The following NDRG1 variants were observed in gnomAD, a reference collection of about 807,000 sequenced individuals.
NDRG1 encodes the protein N-myc downstream regulated 1, also known as protein NDRG1.
A neutral mutation model predicts 56.9 loss-of-function variants in NDRG1; 32 were observed. The observed-to-expected ratio is 0.56, with a 90% confidence interval of 0.42 to 0.76. The LOEUF (loss-of-function observed/expected upper bound fraction) is 0.76. Among genes scored for constraint, NDRG1 ranks in the 30% least tolerant of loss-of-function variants. The pLI is 0.00. For missense variants in NDRG1, 507 were observed against 545.7 expected (o/e 0.93, Z 0.71); for synonymous variants, 211 against 204.1 (o/e 1.03, Z -0.29).
At chr8:133,241,962 A>G (rs893501256) in intron 15 of NDRG1, 61 bp downstream of exon 15, 12 of 1,588,228 alleles carry the variant, frequency 7.6e-6, no homozygotes, top group Non-Finnish European at 8.6e-6. Flanking sequence ...GGCTCAGGAC[A>G]GAGCACTTCC....
chr8:133,243,680 A>G (rs886186862), intron 14 of NDRG1, among the ~76,000 whole-genome samples: 2 of 152,330 alleles, frequency 1.3e-5, no homozygotes, highest in East Asian at 1.9e-4. Flanking sequence ...AAAGAAAAAA[A>G]GGAGGAAGAA....
intron 3 of NDRG1, among the ~76,000 whole-genome samples, chr8:133,272,787 G>A (rs372353104): frequency 9.9e-5 from 15 of 152,126 alleles, no homozygotes; most frequent in East Asian, 3.9e-4. Flanking sequence ...TAGGAAGTAG[G>A]GCTGGGGGAG....
chr8:133,285,412 C>T (rs993232561), intron 1 of NDRG1, among the ~76,000 whole-genome samples: 5 of 152,176 alleles, frequency 3.3e-5, no homozygotes, highest in Non-Finnish European at 5.9e-5. Flanking sequence ...GAATGGAAAA[C>T]GCCTGACCAA....
chr8:133,262,306 C>T (rs551371190), intron 4 of NDRG1, 139 bp from the exon 5 acceptor site: 8 of 1,178,336 alleles, frequency 6.8e-6, no homozygotes, highest in Admixed American at 2.3e-5. Flanking sequence ...CAGATGTTGG[C>T]GTTTTTTGTT....
chr8:133,277,068 C>T lies in NDRG1; in HGVS notation c.99+3164G>A, dbSNP rs1405272877. On this transcript the variant is annotated intron_variant, in intron 3 of 15. Coordinates refer to ENST00000323851, the MANE Select transcript of NDRG1 (RefSeq NM_006096.4). ...CCTGAGGACACGATGCTAACTTATA[C>T]CAGCCAGACACTGGCAAAGAACAAA... Among the ~76,000 whole-genome samples, 3 of 152,198 alleles carry T rather than the reference C, an allele frequency of 2.0e-5. No individual in the cohort carries two copies. In the East Asian group the frequency reaches 5.8e-4, roughly 29 times the overall value.
Position 133,262,061 on chromosome 8 carries a change from G to C in NDRG1, c.312C>G (p.Ala104=), listed in dbSNP as rs767500568. The C allele has an allele frequency of 1.1e-5, 17 of 1,613,194 alleles. No homozygotes were observed. Among genetic ancestry groups the C allele is most frequent in the Non-Finnish European group, 1.4e-5 (16 of 1,179,486 alleles). ...VDAPGQQDGA[A]SFPAGYMYPS... Reference sequence around the variant, plus strand: ...AGGCCTCTCACCCTGCGGGGAAGGAGGCTGCGCCGTCCTGCTGGCCAGGGG... The same window carrying C: ...AGGCCTCTCACCCTGCGGGGAAGGACGCTGCGCCGTCCTGCTGGCCAGGGG... The change falls in exon 5 of 16, where the codon GCC becomes GCG. Residue 104 remains alanine (A), a synonymous_variant. Coordinates refer to ENST00000323851, the MANE Select transcript of NDRG1 (RefSeq NM_006096.4).
intron 3 of NDRG1, among the ~76,000 whole-genome samples, chr8:133,268,856 C>T (rs1340735630): frequency 8.3e-6 from 1 of 120,378 alleles, no homozygotes; most frequent in African/African-American, 3.5e-5. Flanking sequence ...AAGTCCCATC[C>T]CCTAAGTCAC....
intron 15 of NDRG1, chr8:133,241,750 G>A: frequency 1.8e-6 from 1 of 557,020 alleles, no homozygotes; most frequent in South Asian, 2.2e-5. Flanking sequence ...TTGTCTTGGT[G>A]CTTAAAGGGA....
intron 5 of NDRG1, 75 bp downstream of exon 5, chr8:133,261,972 A>T: frequency 2.0e-6 from 3 of 1,509,404 alleles, no homozygotes; most frequent in Non-Finnish European, 2.7e-6. Context: ...AGTATTTAAA[A>T]GAGCAAAGCA....
intron 8 of NDRG1, chr8:133,255,627 C>T (rs35927571): frequency 0.11 from 35,289 of 332,500 alleles, 2,431 homozygotes; most frequent in Non-Finnish European, 0.15. Flanking sequence ...CACTCCAGAA[C>T]GTCATACAGG....
chr8:133,294,638 G>C (rs900348356), intron 1 of NDRG1, among the ~76,000 whole-genome samples: 1 of 150,152 alleles, frequency 6.7e-6, no homozygotes. Context: ...ACCCAGGGGG[G>C]CCCTCAGCTC....
chr8:133,296,235 G>A (rs1163157252), intron 1 of NDRG1, among the ~76,000 whole-genome samples: 2 of 141,342 alleles, frequency 1.4e-5, no homozygotes, highest in Non-Finnish European at 3.1e-5. Flanking sequence ...GGAGCGGCCA[G>A]CACCAGAGGC....
At chr8:133,292,347 C>A (rs1477043398) in intron 1 of NDRG1, among the ~76,000 whole-genome samples, 2 of 152,176 alleles carry the variant, frequency 1.3e-5, no homozygotes, top group Admixed American at 1.3e-4. Flanking sequence ...CCGGAATGGG[C>A]CTCCGATCTT....
intron 13 of NDRG1, among the ~76,000 whole-genome samples, chr8:133,245,843 A>G (rs561912568): frequency 6.6e-6 from 1 of 152,328 alleles, no homozygotes; most frequent in Admixed American, 6.5e-5. Context: ...AAGAAAATCT[A>G]TGTAAAGAGC....
chr8:133,291,691 C>T (rs2130811076), intron 1 of NDRG1, among the ~76,000 whole-genome samples: 1 of 152,308 alleles, frequency 6.6e-6, no homozygotes, highest in East Asian at 1.9e-4. Context: ...GAGAACAAAA[C>T]CACAGTAGGA....
chr8:133,284,671 T>C (rs1387468490), intron 1 of NDRG1: 1 of 456,200 alleles, frequency 2.2e-6, no homozygotes, highest in Non-Finnish European at 4.3e-6. Context: ...CACTGCATTC[T>C]AGAAGGGGAC....
intron 1 of NDRG1, among the ~76,000 whole-genome samples, chr8:133,294,016 T>A (rs570910087): frequency 6.6e-6 from 1 of 152,314 alleles, no homozygotes; most frequent in Non-Finnish European, 1.5e-5. Context: ...CACGCTGTTT[T>A]CCACATGCTC....
intron 3 of NDRG1, among the ~76,000 whole-genome samples, chr8:133,277,741 A>C (rs1857535456): frequency 1.3e-5 from 2 of 152,256 alleles, no homozygotes; most frequent in African/African-American, 2.4e-5. Flanking sequence ...AAAACACTCC[A>C]TGATAGTTAG....
chr8:133,242,182 G>T, intron 14 of NDRG1, 108 bp from the exon 15 acceptor site: 2 of 1,139,054 alleles, frequency 1.8e-6, no homozygotes, highest in Non-Finnish European at 2.7e-6. Flanking sequence ...TTTGGCTCAA[G>T]ACAAAAGCCA....
Sources: gnomAD v4.1 joint callset for allele counts (sites outside exome capture counted in the v4.1 genomes callset) on GRCh38, gnomAD v4.1.1 for gene constraint, MANE v1.5 for transcripts, NCBI Gene and HGNC (gene_info 2026-07-23, HGNC 2026-07-21) for gene names.